The following POLD1 variants were observed in gnomAD, a reference collection of about 807,000 sequenced individuals.
POLD1 encodes the protein DNA polymerase delta catalytic subunit.
A neutral mutation model predicts 129.7 loss-of-function variants in POLD1; 79 were observed. The ratio of observed to expected loss-of-function variants is 0.61; its 90% CI spans 0.51 to 0.73. The LOEUF (loss-of-function observed/expected upper bound fraction) is 0.73, where lower values mean the gene tolerates loss of function less well. Among genes scored for constraint, POLD1 ranks in the 30% least tolerant of loss-of-function variants. POLD1 has a pLI of 0.00. For missense variants in POLD1, 1,338 were observed against 1,595.8 expected, an observed-to-expected ratio of 0.84 and a Z score of 2.75; for synonymous variants, 714 against 683.3, an observed-to-expected ratio of 1.04 and a Z score of -0.70.
chr19:50,402,184 C>A (rs759303010), intron 5 of POLD1, 21 bp from the exon 6 acceptor site: 1 of 1,584,998 alleles, frequency 6.3e-7, no homozygotes. Flanking sequence ...ATTGGCTGGT[C>A]CCAGCTTCTT....
At position 50,390,101 on chromosome 19, in the gene POLD1, GT is replaced by G. The variant is rs915280503; in HGVS notation, c.-2+5714del. ...TTTTTATATTTTTAGTAGAGACAGG[GT>G]TTCACCATGTTGGCCAGGCTGGTCT... is the stretch of plus-strand genomic sequence containing the variant. On this transcript the variant is annotated intron_variant, in intron 1 of 26. Coordinates refer to ENST00000440232, the MANE Select transcript of POLD1 (RefSeq NM_002691.4). Among the ~76,000 whole-genome samples, 9 of 151,700 alleles carry G rather than the reference GT, an allele frequency of 5.9e-5. 1 individual carries two copies. Among genetic ancestry groups the G allele is most frequent in the African/African-American group, 2.2e-4 (9 of 41,358 alleles).
At chr19:50,417,132 G>C in intron 25 of POLD1, 35 bp downstream of exon 25, 1 of 1,570,060 alleles carries the variant, frequency 6.4e-7, no homozygotes, top group Non-Finnish European at 8.6e-7. Context: ...GGGCCAGGTG[G>C]GGAGGCGGGG....
In POLD1 at chr19:50,417,814, C is replaced by T. The variant is rs763799482; in HGVS notation, c.3219-28C>T. 8.9e-5 allele frequency: 131 copies of T among 1,474,386 alleles called. No individual in the cohort carries two copies. The highest frequency in any genetic ancestry group is 1.2e-4 in the Non-Finnish European group (128 of 1,075,494). The allele number at this position is 1,474,386 out of a possible 1,614,324, so 91.3% of individuals were successfully genotyped here. ...GCTGGGCACTGGGCCTTGGCTGGTC[C>T]TGACCCTGCCCCTGCCCCCACCCGC... On this transcript the variant is annotated intron_variant, in intron 26 of 26. Coordinates refer to ENST00000440232, the MANE Select transcript of POLD1 (RefSeq NM_002691.4).
Position 50,403,147 on chromosome 19 carries a change from C to A in POLD1, c.1065C>A (p.Leu355=), listed in dbSNP as rs1555790429. 9.6e-6 allele frequency: 15 copies of A among 1,560,994 alleles called. No individual in the cohort carries two copies. Among genetic ancestry groups the A allele is most frequent in the Non-Finnish European group, 1.2e-5 (14 of 1,152,298 alleles). ...CGGAGCCCTTCCTACGCCTGGCGCT[C>A]ACCCTGCGGCCCTGTGCCCCCATCC... The part of the protein sequence containing the change: ...GEPEPFLRLA[L]TLRPCAPILG... The change falls in exon 9 of 27, where the codon CTC becomes CTA. Residue 355 remains leucine (L), a synonymous_variant. Transcript: ENST00000440232.
chr19:50,409,064 C>T lies in POLD1; in HGVS notation c.1893-58C>T, dbSNP rs2039000625. The T allele has an allele frequency of 1.4e-6, 2 of 1,393,418 alleles. No individual in the cohort carries two copies. The highest frequency in any genetic ancestry group is 2.0e-6 in the Non-Finnish European group (2 of 983,020). The allele number at this position is 1,393,418 out of a possible 1,614,324, so 86.3% of individuals were successfully genotyped here. A position where few individuals can be genotyped will look rare whatever the true frequency, so the allele number is the denominator to read the frequency against. On this transcript the variant is annotated intron_variant, in intron 15 of 26. Coordinates refer to ENST00000440232, the MANE Select transcript of POLD1 (RefSeq NM_002691.4). This position sits in a 1 kb window ranked among gnomAD's most constrained non-coding sequence, Gnocchi z 5.8. ...CATGGCCAAGGCCAGGACCGTAGGGCAGAGGTGGGCTGGAGCAGGAGGGTG... is the reference window on the plus strand; with the variant it reads ...CATGGCCAAGGCCAGGACCGTAGGGTAGAGGTGGGCTGGAGCAGGAGGGTG...
intron 8 of POLD1, 104 bp downstream of exon 8, chr19:50,402,845 G>A (rs2122264782): frequency 1.4e-6 from 2 of 1,462,730 alleles, no homozygotes; most frequent in East Asian, 2.3e-5. Flanking sequence ...AGGTGCCGGG[G>A]CAGGAGCACC....
rs983274157 is a variant in POLD1, at chr19:50,417,831, C to G, written c.3219-11C>G. 5 of 1,571,408 alleles carry G rather than the reference C, an allele frequency of 3.2e-6. No homozygotes were observed. Among genetic ancestry groups the G allele is most frequent in the Non-Finnish European group, 4.3e-6 (5 of 1,153,074 alleles). ...GGCTGGTCCTGACCCTGCCCCTGCC[C>G]CCACCCGCAGCCGGGACTGCCCCAT... On this transcript the variant is annotated splice_polypyrimidine_tract_variant and intron_variant, in intron 26 of 26. Transcript: ENST00000440232.
chr19:50,402,144 C>A lies in POLD1; in HGVS notation c.589+20C>A, dbSNP rs757804470. The A allele has an allele frequency of 1.2e-5, 19 of 1,602,240 alleles. No individual in the cohort carries two copies. In the South Asian group the frequency reaches 2.1e-4, roughly 18 times the overall value. On this transcript the variant is annotated intron_variant, in intron 5 of 26. Transcript: ENST00000440232. Reference sequence around the variant, plus strand: ...GAGAGAGTGAGTGCTCCCCCAGGATCAGCGGGTTGGAGGGTCCCCTCGGGA... The same window carrying A: ...GAGAGAGTGAGTGCTCCCCCAGGATAAGCGGGTTGGAGGGTCCCCTCGGGA...
intron 14 of POLD1, 120 bp downstream of exon 14, chr19:50,407,535 C>CA: frequency 2.3e-6 from 1 of 443,236 alleles, no homozygotes. Context: ...CCCTGCTCCA[C>CA]AAAATTTTTT....
At chr19:50,415,910 G>GTGGGGCC (rs2039270489) in intron 22 of POLD1, 84 bp downstream of exon 22, 1 of 1,076,690 alleles carries the variant, frequency 9.3e-7, no homozygotes, top group Non-Finnish European at 1.3e-6. Context: ...TGCGGGAAGG[G>GTGGGGCC]TGGGGCCTCC....
In POLD1 at chr19:50,413,555, C is replaced by T. The variant is rs762670874; in HGVS notation, c.2250+34C>T. 2.0e-5 allele frequency: 32 copies of T among 1,577,134 alleles called. No individual in the cohort carries two copies. The African/African-American group carries it at 3.5e-4, about 17-fold the overall frequency. ...CTGCCCACCGCTGCCCTGAGATGGG[C>T]CCAGGGCAGGTGGGGGGATGGAAGC... On this transcript the variant is annotated intron_variant, in intron 18 of 26. Coordinates refer to ENST00000440232, the MANE Select transcript of POLD1 (RefSeq NM_002691.4).
At position 50,400,211 on chromosome 19, in the gene POLD1, A is replaced by ATT. The variant is rs549820323; in HGVS notation, c.316+752_316+753dup. Among the ~76,000 whole-genome samples the ATT allele has an allele frequency of 1.5e-3, 99 of 67,794 alleles. 1 individual carries two copies. The highest frequency in any genetic ancestry group is 3.9e-3 in the African/African-American group (57 of 14,636). 44.5% of individuals were successfully genotyped at this position (67,794 alleles called of 152,430 possible). A position where few individuals can be genotyped will look rare whatever the true frequency, so the allele number is the denominator to read the frequency against. ...CAGGCTGGAGTGCACCTGGCCAATA[A>ATT]TTTTTTTTTTTTTTTTTTTTTTTTT... On this transcript the variant is annotated intron_variant, in intron 3 of 26. Transcript: ENST00000440232.
At chr19:50,396,783 A>G (rs1177684343) in intron 1 of POLD1, among the ~76,000 whole-genome samples, 1 of 152,008 alleles carries the variant, frequency 6.6e-6, no homozygotes, top group Non-Finnish European at 1.5e-5. Context: ...CTCCAAAATA[A>G]TCTTTTATAG....
intron 3 of POLD1, among the ~76,000 whole-genome samples, chr19:50,400,058 A>G (rs1601192171): frequency 7.4e-6 from 1 of 135,732 alleles, no homozygotes; most frequent in Non-Finnish European, 1.5e-5. Flanking sequence ...CAAGTGATCC[A>G]CCCGCCTTGG....
At chr19:50,389,278 C>T (rs1268376068) in intron 1 of POLD1, among the ~76,000 whole-genome samples, 2 of 152,030 alleles carry the variant, frequency 1.3e-5, no homozygotes, top group Non-Finnish European at 2.9e-5. Flanking sequence ...TGTGCCACCA[C>T]ACCCTGCTAA....
chr19:50,416,945 C>G (rs1212297898), intron 24 of POLD1, 100 bp from the exon 25 acceptor site: 1 of 1,308,024 alleles, frequency 7.6e-7, no homozygotes, highest in African/African-American at 1.5e-5. Flanking sequence ...GTTCTCCAGC[C>G]TCTGGGGACT....
At chr19:50,414,468 G>C (rs2039201731) in intron 19 of POLD1, among the ~76,000 whole-genome samples, 1 of 152,230 alleles carries the variant, frequency 6.6e-6, no homozygotes, top group Admixed American at 6.5e-5. Flanking sequence ...CTCGCAGAGT[G>C]GGGAGGTCTC....
At chr19:50,410,393 GC>G (rs1415833246) in intron 17 of POLD1, among the ~76,000 whole-genome samples, 4 of 152,050 alleles carry the variant, frequency 2.6e-5, no homozygotes, top group Non-Finnish European at 5.9e-5. Flanking sequence ...CTCTGGCTGG[GC>G]ACTGCGCCAC....
At chr19:50,413,717 A>G (rs1176618293) in intron 18 of POLD1, 25 bp from the exon 19 acceptor site, 23 of 1,581,718 alleles carry the variant, frequency 1.5e-5, no homozygotes, top group Non-Finnish European at 2.0e-5. Context: ...TGCTTCTCAC[A>G]TACACACATC....
Sources: allele counts gnomAD v4.1 joint callset (sites outside exome capture counted in the v4.1 genomes callset), GRCh38; gene constraint gnomAD v4.1.1; non-coding constraint Gnocchi (gnomAD v3.1); transcripts MANE v1.5; gene names NCBI Gene and HGNC (gene_info 2026-07-23, HGNC 2026-07-21).